Variants in TMC1 observed in about 807,000 individuals in gnomAD.
The protein encoded by TMC1 is transmembrane channel-like protein 1.
Under a neutral mutation model 105.8 loss-of-function variants are expected in TMC1, and 84 were observed. That is an observed-to-expected ratio of 0.79 (90% CI 0.67 to 0.95). The LOEUF (loss-of-function observed/expected upper bound fraction) is 0.95, where lower values mean the gene tolerates loss of function less well. Ranked by LOEUF, TMC1 falls within the 40% of genes least tolerant of loss-of-function variation. The pLI, the probability that TMC1 is intolerant of heterozygous loss-of-function variation, is 0.00. For missense variants in TMC1, 817 were observed against 914.1 expected (o/e 0.89, Z 1.37); for synonymous variants, 315 against 311.5 (o/e 1.01, Z -0.12).
chr9:72,715,168 A>T (rs983015048), intron 8 of TMC1, among the ~76,000 whole-genome samples: 1 of 152,148 alleles, frequency 6.6e-6, no homozygotes, highest in Non-Finnish European at 1.5e-5. Context: ...GGGTAACCCA[A>T]CCTTTCTCTC....
intron 5 of TMC1, among the ~76,000 whole-genome samples, chr9:72,662,352 ATT>A (rs11378166): frequency 4.3e-5 from 6 of 138,650 alleles, no homozygotes; most frequent in Admixed American, 7.2e-5. Flanking sequence ...ACACTCAGCA[ATT>A]TTTTTTTTTT....
At chr9:72,774,222 A>G (rs1416866715) in intron 13 of TMC1, among the ~76,000 whole-genome samples, 1 of 152,190 alleles carries the variant, frequency 6.6e-6, no homozygotes, top group Non-Finnish European at 1.5e-5. Flanking sequence ...GATGAATTTA[A>G]AGTATCTAGA....
intron 2 of TMC1, among the ~76,000 whole-genome samples, chr9:72,601,645 G>GAACAA (rs1564436928): frequency 1.3e-5 from 2 of 151,950 alleles, no homozygotes; most frequent in South Asian, 2.1e-4. Context: ...ACCCTGTCTC[G>GAACAA]AACAAAACAA....
intron 2 of TMC1, among the ~76,000 whole-genome samples, chr9:72,581,904 T>A (rs544693071): frequency 6.6e-6 from 1 of 152,202 alleles, no homozygotes; most frequent in African/African-American, 2.4e-5. Flanking sequence ...AACAGAATCA[T>A]TAAAACAGTG....
chr9:72,806,755 G>A (rs1767993956), intron 18 of TMC1, among the ~76,000 whole-genome samples: 1 of 151,654 alleles, frequency 6.6e-6, no homozygotes, highest in South Asian at 2.1e-4. Context: ...TGGCGGCCGG[G>A]CGGAGACGCT....
intron 17 of TMC1, among the ~76,000 whole-genome samples, chr9:72,799,400 A>T (rs1828431009): frequency 6.6e-6 from 1 of 152,142 alleles, no homozygotes. Context: ...AATATGTAAA[A>T]ATATATCTTA....
chr9:72,640,563 A>G (rs560436039), intron 4 of TMC1, among the ~76,000 whole-genome samples: 1 of 152,274 alleles, frequency 6.6e-6, no homozygotes, highest in East Asian at 1.9e-4. Flanking sequence ...TGAAACCACA[A>G]GTCTTTGTCT....
At chr9:72,589,739 C>T (rs1406098418) in intron 2 of TMC1, among the ~76,000 whole-genome samples, 1 of 152,200 alleles carries the variant, frequency 6.6e-6, no homozygotes, top group Non-Finnish European at 1.5e-5. Flanking sequence ...TCAATTCTAA[C>T]AGCATTGGCT....
At chr9:72,807,146 G>A (rs57035988) in intron 18 of TMC1, among the ~76,000 whole-genome samples, 2,851 of 152,256 alleles carry the variant, frequency 0.019, 78 homozygotes, top group African/African-American at 0.06. Context: ...GCAGGCACTC[G>A]GCATGCTCAG....
intron 1 of TMC1, among the ~76,000 whole-genome samples, chr9:72,556,644 C>T (rs1420992552): frequency 6.6e-6 from 1 of 151,288 alleles, no homozygotes; most frequent in Non-Finnish European, 1.5e-5. Flanking sequence ...CATCGTGAAA[C>T]CCCATTTCTA....
chr9:72,605,265 A>G (rs1824893534), intron 2 of TMC1, among the ~76,000 whole-genome samples: 1 of 152,234 alleles, frequency 6.6e-6, no homozygotes, highest in Non-Finnish European at 1.5e-5. Context: ...GCTTAAAACA[A>G]CAATTTATTA....
intron 8 of TMC1, among the ~76,000 whole-genome samples, chr9:72,716,814 A>G (rs1345215675): frequency 6.6e-6 from 1 of 152,182 alleles, no homozygotes; most frequent in Non-Finnish European, 1.5e-5. Context: ...GGGGTATGAA[A>G]AAACAACTCC....
chr9:72,799,816 T>C (rs752752542), intron 17 of TMC1, among the ~76,000 whole-genome samples: 5 of 152,142 alleles, frequency 3.3e-5, no homozygotes, highest in Non-Finnish European at 5.9e-5. Context: ...ACTTTGCAGA[T>C]GAAATTAAGT....
At chr9:72,607,107 A>G (rs1208602698) in intron 2 of TMC1, among the ~76,000 whole-genome samples, 1 of 152,036 alleles carries the variant, frequency 6.6e-6, no homozygotes, top group Non-Finnish European at 1.5e-5. Flanking sequence ...CATCCAGAAC[A>G]TGGTGTAATG....
At chr9:72,810,275 C>T (rs1588094986) in intron 18 of TMC1, among the ~76,000 whole-genome samples, 2 of 151,866 alleles carry the variant, frequency 1.3e-5, no homozygotes, top group South Asian at 2.1e-4. Context: ...GGAAGGACAA[C>T]CTGAGATAGG....
intron 17 of TMC1, among the ~76,000 whole-genome samples, chr9:72,792,856 C>T (rs964625646): frequency 1.6e-4 from 24 of 152,138 alleles, no homozygotes; most frequent in Non-Finnish European, 3.4e-4. Flanking sequence ...CCGAAACATC[C>T]AGGTACATGC....
chr9:72,794,143 A>C (rs537579024), intron 17 of TMC1, among the ~76,000 whole-genome samples: 2 of 151,950 alleles, frequency 1.3e-5, no homozygotes, highest in Admixed American at 1.3e-4. Context: ...TAGAACATCC[A>C]TCCTGGGCTA....
At chr9:72,780,630 A>G (rs909442926) in intron 13 of TMC1, among the ~76,000 whole-genome samples, 1 of 152,234 alleles carries the variant, frequency 6.6e-6, no homozygotes, top group East Asian at 1.9e-4. Context: ...ATAAAAATCT[A>G]TCAAGCAAAC....
chr9:72,697,046 C>T (rs2117853089), intron 7 of TMC1, among the ~76,000 whole-genome samples: 1 of 152,268 alleles, frequency 6.6e-6, no homozygotes, highest in East Asian at 1.9e-4. Flanking sequence ...GTAACACAGC[C>T]TGATCCTCCT....
Sources: gnomAD v4.1 joint callset for allele counts (sites outside exome capture counted in the v4.1 genomes callset) on GRCh38, gnomAD v4.1.1 for gene constraint, MANE v1.5 for transcripts, NCBI Gene and HGNC (gene_info 2026-07-23, HGNC 2026-07-21) for gene names.